LDLRAD4: variants seen among roughly 807,000 people sequenced by gnomAD.
The protein encoded by LDLRAD4 is low-density lipoprotein receptor class A domain-containing protein 4.
Under a neutral mutation model 17.0 loss-of-function variants are expected in LDLRAD4, and 5 were observed. That is an observed-to-expected ratio of 0.29 (90% confidence interval 0.15 to 0.62). The LOEUF is 0.62. Among genes scored for constraint, LDLRAD4 ranks in the 20% least tolerant of loss-of-function variants. The probability of loss-of-function intolerance (pLI) is 0.84; values close to 1 mark genes in which losing one functional copy is unlikely to be tolerated. For missense variants in LDLRAD4, 340 were observed against 424.7 expected, an observed-to-expected ratio of 0.80 and a Z score of 1.75; for synonymous variants, 168 against 171.8, an observed-to-expected ratio of 0.98 and a Z score of 0.17.
At chr18:13,498,673 A>C (rs2093535971) in intron 3 of LDLRAD4, among the ~76,000 whole-genome samples, 2 of 148,656 alleles carry the variant, frequency 1.3e-5, no homozygotes, top group African/African-American at 5.0e-5. Flanking sequence ...CCTTTTCCCC[A>C]CACACGTCCT....
chr18:13,471,938 T>C (rs2092786813), intron 3 of LDLRAD4: 1 of 152,222 alleles, frequency 6.6e-6, no homozygotes, highest in Non-Finnish European at 1.5e-5. Context: ...AGACACAATC[T>C]TATAAGGGGA....
intron 3 of LDLRAD4, among the ~76,000 whole-genome samples, chr18:13,610,134 AT>A (rs2039357041): frequency 6.6e-6 from 1 of 152,126 alleles, no homozygotes; most frequent in Non-Finnish European, 1.5e-5. Flanking sequence ...CTTTTTTTAT[AT>A]ATGAAATATT....
chr18:13,607,463 AT>A (rs2095235794), intron 3 of LDLRAD4, among the ~76,000 whole-genome samples: 1 of 149,554 alleles, frequency 6.7e-6, no homozygotes, highest in Non-Finnish European at 1.5e-5. Context: ...TCTGGGATAC[AT>A]GTGCTGTATG....
intron 3 of LDLRAD4, among the ~76,000 whole-genome samples, chr18:13,546,020 C>T (rs1469420319): frequency 6.6e-6 from 1 of 152,172 alleles, no homozygotes; most frequent in Non-Finnish European, 1.5e-5. Context: ...GGCCCATTAC[C>T]TTCCCCCTCT....
At chr18:13,342,238 G>A (rs749967442) in intron 1 of LDLRAD4, among the ~76,000 whole-genome samples, 1 of 152,022 alleles carries the variant, frequency 6.6e-6, no homozygotes, top group Non-Finnish European at 1.5e-5. Flanking sequence ...TCAGGGTAAC[G>A]CTGGTCTCAT....
intron 3 of LDLRAD4, chr18:13,620,778 G>T: frequency 3.1e-6 from 1 of 324,208 alleles, no homozygotes; most frequent in East Asian, 5.9e-5. Flanking sequence ...TAGGGGAATT[G>T]CTTTGAGAAA....
intron 3 of LDLRAD4, among the ~76,000 whole-genome samples, chr18:13,552,204 C>T (rs1293479345): frequency 1.3e-5 from 2 of 152,194 alleles, no homozygotes; most frequent in Non-Finnish European, 2.9e-5. Context: ...CCACCTAGGC[C>T]TGCAGCTCCC....
chr18:13,383,364 C>T (rs970400952), intron 1 of LDLRAD4, among the ~76,000 whole-genome samples: 2 of 152,158 alleles, frequency 1.3e-5, no homozygotes, highest in African/African-American at 2.4e-5. Flanking sequence ...TCAGGACACC[C>T]GTGTGGAGTC....
intron 2 of LDLRAD4, among the ~76,000 whole-genome samples, chr18:13,417,043 C>T (rs1198727700): frequency 1.3e-5 from 2 of 152,166 alleles, no homozygotes; most frequent in South Asian, 2.1e-4. Flanking sequence ...GAGCCAGCTT[C>T]GAAATCCAGG....
At chr18:13,364,987 G>A (rs1440380938) in intron 1 of LDLRAD4, among the ~76,000 whole-genome samples, 2 of 152,214 alleles carry the variant, frequency 1.3e-5, no homozygotes, top group Non-Finnish European at 2.9e-5. Flanking sequence ...CACCATGAAA[G>A]CAGCTAGTGA....
intron 1 of LDLRAD4, among the ~76,000 whole-genome samples, chr18:13,247,591 G>A (rs2043018597): frequency 6.6e-6 from 1 of 152,070 alleles, no homozygotes; most frequent in Admixed American, 6.5e-5. Context: ...GTTGACGGCC[G>A]CCCATTTTCA....
exon 2 of LDLRAD4, chr18:13,387,566 C>G (rs994061567): frequency 1.5e-6 from 1 of 677,256 alleles, no homozygotes; most frequent in Non-Finnish European, 2.6e-6. Flanking sequence ...CCCGCCCGCG[C>G]GAGAGCCGGG....
intron 1 of LDLRAD4, among the ~76,000 whole-genome samples, chr18:13,228,192 T>C (rs771283907): frequency 2.6e-4 from 39 of 152,138 alleles, no homozygotes; most frequent in Admixed American, 3.3e-4. Flanking sequence ...GTATGAGGCC[T>C]GCGGAGTGGA....
intron 2 of LDLRAD4, among the ~76,000 whole-genome samples, chr18:13,389,006 T>C (rs2086050466): frequency 6.6e-6 from 1 of 152,158 alleles, no homozygotes; most frequent in Non-Finnish European, 1.5e-5. Flanking sequence ...CTCTGGCCCA[T>C]GTGGATGAGC....
intron 2 of LDLRAD4, among the ~76,000 whole-genome samples, chr18:13,436,993 A>C (rs2090703423): frequency 6.6e-6 from 1 of 152,236 alleles, no homozygotes; most frequent in Admixed American, 6.5e-5. Flanking sequence ...GTTTCTTTAC[A>C]ACAGGTGAAG....
At chr18:13,374,067 C>A (rs1347685787) in intron 1 of LDLRAD4, among the ~76,000 whole-genome samples, 1 of 152,186 alleles carries the variant, frequency 6.6e-6, no homozygotes, top group African/African-American at 2.4e-5. Context: ...GTGGAATTTG[C>A]TTTTACCTTT....
intron 1 of LDLRAD4, among the ~76,000 whole-genome samples, chr18:13,334,754 A>G (rs2082026220): frequency 6.6e-6 from 1 of 152,152 alleles, no homozygotes; most frequent in Admixed American, 6.5e-5. Flanking sequence ...AGTGGTGAGA[A>G]GGATGTCCTT....
At chr18:13,280,850 T>TGG (rs1363175278) in intron 1 of LDLRAD4, among the ~76,000 whole-genome samples, 1 of 152,110 alleles carries the variant, frequency 6.6e-6, no homozygotes, top group African/African-American at 2.4e-5. Flanking sequence ...GTGGTCCCTG[T>TGG]GGGGAGACAC....
chr18:13,610,305 T>TTTTTTTTTTTTTTTTC lies in LDLRAD4; in HGVS notation c.182-10812_182-10811insTTTTTTTTTTTTTTTC, dbSNP rs1491536129. On this transcript the variant is annotated intron_variant, in intron 3 of 5. Coordinates refer to ENST00000359446, the Ensembl canonical transcript of LDLRAD4. ...TTTTTTTTTTTTTTTTTTTTTTTTTTGAGACGGAGTCTCACTCTGTCGCCC... is the reference window on the plus strand; with the variant it reads ...TTTTTTTTTTTTTTTTTTTTTTTTTTTTTTTTTTTTTTTTTCGAGACGGAGTCTCACTCTGTCGCCC... Among the ~76,000 whole-genome samples the TTTTTTTTTTTTTTTTC allele has an allele frequency of 4.8e-3, 117 of 24,364 alleles. 29 individuals carry two copies. The highest frequency in any genetic ancestry group is 0.059 in the Middle Eastern group (2 of 34). 16.0% of individuals were successfully genotyped at this position (24,364 alleles called of 152,430 possible). A position where few individuals can be genotyped will look rare whatever the true frequency, so the allele number is the denominator to read the frequency against.
Sources: gnomAD v4.1 joint callset for allele counts (sites outside exome capture counted in the v4.1 genomes callset) on GRCh38, gnomAD v4.1.1 for gene constraint, MANE v1.5 for transcripts, NCBI Gene and HGNC (gene_info 2026-07-23, HGNC 2026-07-21) for gene names.